NAALADL2: variants seen among roughly 807,000 people sequenced by gnomAD.
NAALADL2 encodes inactive N-acetylated-alpha-linked acidic dipeptidase-like protein 2.
A neutral mutation model predicts 87.2 loss-of-function variants in NAALADL2; 76 were observed. The observed-to-expected ratio is 0.87, with a 90% CI of 0.72 to 1.05. The LOEUF (loss-of-function observed/expected upper bound fraction) is 1.05. Among genes scored for constraint, NAALADL2 ranks in the 50% least tolerant of loss-of-function variants. The pLI, the probability that NAALADL2 is intolerant of heterozygous loss-of-function variation, is 0.00. For missense variants in NAALADL2, 1,089 were observed against 945.8 expected, an observed-to-expected ratio of 1.15 and a Z score of -1.99; for synonymous variants, 354 against 331.0, an observed-to-expected ratio of 1.07 and a Z score of -0.75.
chr3:174,539,942 G>A (rs1021691055), intron 1 of NAALADL2, among the ~76,000 whole-genome samples: 3 of 113,902 alleles, frequency 2.6e-5, no homozygotes, highest in African/African-American at 1.0e-4. Flanking sequence ...CAGGGTAATT[G>A]TAACATTTTG....
At chr3:174,790,452 C>G (rs1178793125) in intron 3 of NAALADL2, among the ~76,000 whole-genome samples, 1 of 151,990 alleles carries the variant, frequency 6.6e-6, no homozygotes, top group African/African-American at 2.4e-5. Flanking sequence ...GAGTTCGAGA[C>G]CAGCCTGGCC....
At chr3:174,837,049 T>C (rs935548449) in intron 3 of NAALADL2, among the ~76,000 whole-genome samples, 1 of 151,954 alleles carries the variant, frequency 6.6e-6, no homozygotes, top group Non-Finnish European at 1.5e-5. Context: ...TTAAAAAATC[T>C]GAAAGAACAC....
chr3:175,076,965 A>G (rs563633796), intron 1 of NAALADL2, among the ~76,000 whole-genome samples: 1 of 152,330 alleles, frequency 6.6e-6, no homozygotes, highest in African/African-American at 2.4e-5. Context: ...AATAATACAT[A>G]ATAACATATG....
intron 2 of NAALADL2, among the ~76,000 whole-genome samples, chr3:175,158,965 T>C (rs932180963): frequency 4.6e-5 from 7 of 152,168 alleles, no homozygotes; most frequent in Non-Finnish European, 8.8e-5. Flanking sequence ...GAATATATGT[T>C]AATCAGAATG....
At chr3:174,709,194 C>A (rs550172517) in intron 2 of NAALADL2, among the ~76,000 whole-genome samples, 1 of 152,102 alleles carries the variant, frequency 6.6e-6, no homozygotes, top group East Asian at 1.9e-4. Context: ...GAAATACAGA[C>A]AAGGTAAAAG....
At chr3:174,477,222 A>G (rs537701277) in intron 1 of NAALADL2, among the ~76,000 whole-genome samples, 54 of 152,156 alleles carry the variant, frequency 3.5e-4, no homozygotes, top group Non-Finnish European at 6.2e-4. Flanking sequence ...ATTTTGTCCT[A>G]TAACTAGAGT....
intron 3 of NAALADL2, among the ~76,000 whole-genome samples, chr3:174,810,890 C>A (rs536283020): frequency 1.8e-4 from 27 of 152,292 alleles, no homozygotes; most frequent in African/African-American, 6.5e-4. Context: ...TATCATGGAC[C>A]AGACCTAGGG....
chr3:174,794,169 C>T (rs1717794901), intron 3 of NAALADL2, among the ~76,000 whole-genome samples: 1 of 151,950 alleles, frequency 6.6e-6, no homozygotes, highest in Admixed American at 6.6e-5. Flanking sequence ...CTTTATGAGA[C>T]TTTTAAATAT....
intron 5 of NAALADL2, among the ~76,000 whole-genome samples, chr3:175,436,543 C>G (rs1275369230): frequency 4.1e-5 from 6 of 146,824 alleles, no homozygotes; most frequent in Admixed American, 1.4e-4. Flanking sequence ...GATTGCCATT[C>G]TAACTGGTGT....
At chr3:175,390,000 T>C (rs1768880753) in intron 5 of NAALADL2, among the ~76,000 whole-genome samples, 1 of 152,164 alleles carries the variant, frequency 6.6e-6, no homozygotes, top group South Asian at 2.1e-4. Context: ...TCTTAAGTAA[T>C]TCTCAAGTTA....
chr3:174,451,131 G>T (rs987047083), intron 1 of NAALADL2, among the ~76,000 whole-genome samples: 1 of 152,056 alleles, frequency 6.6e-6, no homozygotes, highest in Non-Finnish European at 1.5e-5. Flanking sequence ...TACTTTCAAC[G>T]AGAATAACAT....
At chr3:175,107,761 AT>A (rs369404243) in intron 2 of NAALADL2, among the ~76,000 whole-genome samples, 3,753 of 151,356 alleles carry the variant, frequency 0.025, 123 homozygotes, top group African/African-American at 0.079. Flanking sequence ...AAAATTTCAG[AT>A]TTTTTTTAAT....
At chr3:175,566,199 C>T (rs994545692) in intron 9 of NAALADL2, among the ~76,000 whole-genome samples, 7 of 152,156 alleles carry the variant, frequency 4.6e-5, no homozygotes, top group Admixed American at 6.5e-5. Context: ...ATTGGGGACA[C>T]GTAACATATA....
At chr3:175,122,319 T>G (rs1434938282) in intron 2 of NAALADL2, among the ~76,000 whole-genome samples, 1 of 151,874 alleles carries the variant, frequency 6.6e-6, no homozygotes, top group East Asian at 1.9e-4. Context: ...TGTATGAATA[T>G]CCAGTGCAAT....
intron 2 of NAALADL2, among the ~76,000 whole-genome samples, chr3:175,146,733 G>A (rs1190727371): frequency 6.6e-6 from 1 of 152,072 alleles, no homozygotes; most frequent in East Asian, 1.9e-4. Context: ...TGACAAAATA[G>A]TGATAGGAAA....
intron 2 of NAALADL2, among the ~76,000 whole-genome samples, chr3:174,601,464 T>A (rs1269307279): frequency 3.3e-5 from 5 of 152,198 alleles, no homozygotes; most frequent in Non-Finnish European, 5.9e-5. Flanking sequence ...TCTATTCAGA[T>A]CTTTTGCCCA....
chr3:175,538,802 GCT>G (rs1472264943), intron 9 of NAALADL2, among the ~76,000 whole-genome samples: 1 of 152,116 alleles, frequency 6.6e-6, no homozygotes, highest in African/African-American at 2.4e-5. Flanking sequence ...ACAGATGCTA[GCT>G]ACCAGGGCTA....
At chr3:174,846,417 C>A (rs1450913909) in intron 3 of NAALADL2, among the ~76,000 whole-genome samples, 1 of 152,172 alleles carries the variant, frequency 6.6e-6, no homozygotes, top group African/African-American at 2.4e-5. Flanking sequence ...TAGCCTCTTG[C>A]TGACATCACT....
At chr3:174,751,110 A>G (rs1308958707) in intron 3 of NAALADL2, among the ~76,000 whole-genome samples, 1 of 152,114 alleles carries the variant, frequency 6.6e-6, no homozygotes, top group African/African-American at 2.4e-5. Context: ...GTCAAATAAT[A>G]GTGATGATAG....
Sources: allele counts gnomAD v4.1 joint callset (sites outside exome capture counted in the v4.1 genomes callset), GRCh38; gene constraint gnomAD v4.1.1; transcripts MANE v1.5; gene names NCBI Gene and HGNC (gene_info 2026-07-23, HGNC 2026-07-21).